Variants in PTBP2 observed in about 807,000 individuals in gnomAD.
The protein encoded by PTBP2 is polypyrimidine tract binding protein 2.
In PTBP2, 13 loss-of-function variants were observed where a neutral mutation model predicts 61.4. The observed-to-expected ratio is 0.21, with a 90% CI of 0.14 to 0.34. The LOEUF (loss-of-function observed/expected upper bound fraction) is 0.34. Ranked by LOEUF, PTBP2 falls within the 10% of genes least tolerant of loss-of-function variation. The pLI is 1.00. For synonymous variants in PTBP2, 215 were observed against 218.5 expected, an observed-to-expected ratio of 0.98 and a Z score of 0.14; for missense variants, 405 against 642.6, an observed-to-expected ratio of 0.63 and a Z score of 4.00.
chr1:96,736,564 C>T (rs1304092724), intron 2 of PTBP2, among the ~76,000 whole-genome samples: 1 of 151,962 alleles, frequency 6.6e-6, no homozygotes, highest in Non-Finnish European at 1.5e-5. Flanking sequence ...ATTTCTGAGC[C>T]TTAGTCTGAA....
intron 8 of PTBP2, among the ~76,000 whole-genome samples, chr1:96,797,567 G>A (rs1660519319): frequency 6.6e-6 from 1 of 152,004 alleles, no homozygotes; most frequent in Admixed American, 6.6e-5. Context: ...GGTATACATG[G>A]GAGATTGGTT....
At chr1:96,742,392 G>A (rs1557697786) in intron 2 of PTBP2, among the ~76,000 whole-genome samples, 2 of 152,202 alleles carry the variant, frequency 1.3e-5, no homozygotes, top group Admixed American at 6.5e-5. Flanking sequence ...CTAGAAAACT[G>A]TTTTATTGAA....
At chr1:96,803,735 A>G (rs968613334) in intron 8 of PTBP2, among the ~76,000 whole-genome samples, 1 of 152,174 alleles carries the variant, frequency 6.6e-6, no homozygotes, top group African/African-American at 2.4e-5. Flanking sequence ...AATGCACCAG[A>G]AAGCTGGAAA....
intron 2 of PTBP2, among the ~76,000 whole-genome samples, chr1:96,744,114 C>T (rs2100869737): frequency 6.6e-6 from 1 of 151,718 alleles, no homozygotes; most frequent in Middle Eastern, 3.4e-3. Flanking sequence ...TTGCTTGAAC[C>T]TGGGGAGGCT....
In PTBP2 at chr1:96,777,633, A is replaced by G. The variant is rs1658188683; in HGVS notation, c.481A>G (p.Thr161Ala). 6.2e-7 allele frequency: 1 copy of G among 1,613,118 alleles called. No individual in the cohort carries two copies. The highest frequency in any genetic ancestry group is 1.3e-5 in the African/African-American group (1 of 74,920). The change falls in exon 6 of 14, where the codon ACT becomes GCT. Residue 161 changes from threonine to alanine, a missense_variant. Coordinates refer to ENST00000674951, the MANE Select transcript of PTBP2 (RefSeq NM_021190.4). ...TGTGACAGCTGTCCAGACAGCAAAT[A>G]CTCCTCTTAGTGGCACCACAGTTAG... ...QAVTAVQTAN[T>A]PLSGTTVSES...
At chr1:96,737,123 G>A (rs560720987) in intron 2 of PTBP2, among the ~76,000 whole-genome samples, 145 of 151,862 alleles carry the variant, frequency 9.5e-4, no homozygotes, top group Non-Finnish European at 1.8e-3. Flanking sequence ...GGGACTACAG[G>A]CGCCTGCCAC....
intron 2 of PTBP2, among the ~76,000 whole-genome samples, chr1:96,731,009 G>GT (rs963968726): frequency 1.5e-4 from 23 of 151,470 alleles, no homozygotes; most frequent in African/African-American, 4.9e-4. Flanking sequence ...GAAGTCCACT[G>GT]TTTTTTTTTA....
intron 3 of PTBP2, among the ~76,000 whole-genome samples, 158 bp downstream of exon 3, chr1:96,751,658 G>GAAAAAAAAAAAAAA (rs35745353): frequency 7.0e-6 from 1 of 143,172 alleles, no homozygotes; most frequent in Non-Finnish European, 1.5e-5. Context: ...GAGCCGAGTG[G>GAAAAAAAAAAAAAA]AAAAAAAAAA....
At chr1:96,762,639 C>T (rs1656095438) in intron 3 of PTBP2, among the ~76,000 whole-genome samples, 2 of 146,650 alleles carry the variant, frequency 1.4e-5, no homozygotes, top group African/African-American at 5.1e-5. Flanking sequence ...CGCCCCTCAC[C>T]TCCCGGAAGG....
intron 3 of PTBP2, among the ~76,000 whole-genome samples, chr1:96,763,548 G>A (rs531597876): frequency 1.2e-4 from 17 of 142,598 alleles, no homozygotes; most frequent in Middle Eastern, 6.9e-3. Context: ...GCTTCGGCTC[G>A]TCATCAGAGG....
At chr1:96,794,391 T>A (rs1224037290) in intron 8 of PTBP2, among the ~76,000 whole-genome samples, 1 of 152,254 alleles carries the variant, frequency 6.6e-6, no homozygotes, top group Non-Finnish European at 1.5e-5. Context: ...CTTCTGTTGC[T>A]TCTGCATTTA....
chr1:96,821,435 T>G (rs901692387), exon 14 of PTBP2: 4 of 151,910 alleles, frequency 2.6e-5, no homozygotes, highest in Non-Finnish European at 5.9e-5. Flanking sequence ...TGGTTTCAGT[T>G]TTAAAGATTG....
At chr1:96,785,513 AAAG>A (rs1277938511) in intron 8 of PTBP2, among the ~76,000 whole-genome samples, 1 of 152,210 alleles carries the variant, frequency 6.6e-6, no homozygotes, top group African/African-American at 2.4e-5. Flanking sequence ...TCCCAGAACA[AAAG>A]AAGAAAAGCT....
intron 2 of PTBP2, among the ~76,000 whole-genome samples, chr1:96,745,411 C>G (rs1168038334): frequency 6.6e-6 from 1 of 152,124 alleles, no homozygotes; most frequent in Non-Finnish European, 1.5e-5. Flanking sequence ...ATCCGTCTGC[C>G]TCGGCCTCCC....
chr1:96,801,861 C>CAAA (rs397861502), intron 8 of PTBP2, among the ~76,000 whole-genome samples: 1 of 75,518 alleles, frequency 1.3e-5, no homozygotes, highest in African/African-American at 4.4e-5. Context: ...GACTCCATCT[C>CAAA]AAAAAAAAAA....
intron 3 of PTBP2, among the ~76,000 whole-genome samples, chr1:96,759,969 A>G (rs538631347): frequency 3.9e-5 from 6 of 152,280 alleles, no homozygotes; most frequent in African/African-American, 1.4e-4. Flanking sequence ...AAGAAAAGAG[A>G]GCTTGTGCGG....
At chr1:96,736,804 G>A (rs990203872) in intron 2 of PTBP2, among the ~76,000 whole-genome samples, 1 of 151,804 alleles carries the variant, frequency 6.6e-6, no homozygotes, top group Non-Finnish European at 1.5e-5. Context: ...AGCCTCCCAA[G>A]TAGCTGGGAC....
At chr1:96,762,647 A>T (rs1440619321) in intron 3 of PTBP2, among the ~76,000 whole-genome samples, 170 of 101,292 alleles carry the variant, frequency 1.7e-3, no homozygotes, top group Middle Eastern at 0.011. Context: ...ACCTCCCGGA[A>T]GGGGCGGCTG....
chr1:96,758,088 G>A (rs889490559), intron 3 of PTBP2, among the ~76,000 whole-genome samples: 35 of 151,860 alleles, frequency 2.3e-4, no homozygotes, highest in African/African-American at 8.2e-4. Context: ...AATATAAAGT[G>A]GAGATAGCAC....
Sources: gnomAD v4.1 joint callset for allele counts (sites outside exome capture counted in the v4.1 genomes callset) on GRCh38, gnomAD v4.1.1 for gene constraint, MANE v1.5 for transcripts, NCBI Gene and HGNC (gene_info 2026-07-23, HGNC 2026-07-21) for gene names.